The following C2orf76 variants were observed in gnomAD, a reference collection of about 807,000 sequenced individuals.
C2orf76 encodes chromosome 2 open reading frame 76, also known as UPF0538 protein C2orf76.
A neutral mutation model predicts 16.9 loss-of-function variants in C2orf76; 23 were observed. That is an observed-to-expected ratio of 1.36 (90% confidence interval 0.98 to 1.93). The LOEUF (loss-of-function observed/expected upper bound fraction) is 1.93. Ranked by LOEUF, C2orf76 falls within the 30% of genes most tolerant of loss-of-function variation. The pLI, the probability that C2orf76 is intolerant of heterozygous loss-of-function variation, is 0.00. For synonymous variants in C2orf76, 48 were observed against 52.3 expected (o/e 0.92, Z 0.35); for missense variants, 152 against 152.6 (o/e 1.00, Z 0.02).
chr2:119,347,534 A>G (rs1307398391), intron 1 of C2orf76, among the ~76,000 whole-genome samples: 10 of 152,152 alleles, frequency 6.6e-5, no homozygotes, highest in African/African-American at 2.4e-4. Flanking sequence ...TTGCTTTCAA[A>G]TACCCTAGCA....
intron 2 of C2orf76, among the ~76,000 whole-genome samples, chr2:119,321,912 G>GGT (rs1162546166): frequency 1.3e-5 from 2 of 150,916 alleles, no homozygotes; most frequent in Non-Finnish European, 3.0e-5. Flanking sequence ...GCCCCTTATG[G>GGT]GTCTTTGGCC....
At chr2:119,367,079 C>CA, upstream of C2orf76, 7 of 1,613,800 alleles carry the variant, frequency 4.3e-6, no homozygotes, top group Non-Finnish European at 5.1e-6. Context: ...CGTGCACAGC[C>CA]AGGCTGCGAA....
chr2:119,367,077 G>A, upstream of C2orf76: 4 of 1,613,826 alleles, frequency 2.5e-6, no homozygotes, highest in South Asian at 1.1e-5. Context: ...CGCGTGCACA[G>A]CCAGGCTGCG....
At chr2:119,358,505 G>T (rs934669870) in intron 1 of C2orf76, among the ~76,000 whole-genome samples, 2 of 151,262 alleles carry the variant, frequency 1.3e-5, no homozygotes, top group African/African-American at 4.9e-5. Flanking sequence ...TTGAATCCGG[G>T]AGGTGCAGAT....
chr2:119,342,491 A>G (rs1240295803), intron 1 of C2orf76, among the ~76,000 whole-genome samples: 5 of 152,026 alleles, frequency 3.3e-5, no homozygotes, highest in African/African-American at 4.8e-5. Flanking sequence ...GGGTTCCTGA[A>G]ATCCCAGCTA....
At chr2:119,343,984 G>A (rs1680119508) in intron 1 of C2orf76, among the ~76,000 whole-genome samples, 1 of 152,184 alleles carries the variant, frequency 6.6e-6, no homozygotes, top group African/African-American at 2.4e-5. Context: ...ATGAAGCGAA[G>A]GCTGGGCAGG....
downstream of C2orf76, among the ~76,000 whole-genome samples, chr2:119,299,543 T>C (rs1678585162): frequency 6.6e-6 from 1 of 152,194 alleles, no homozygotes; most frequent in Non-Finnish European, 1.5e-5. Context: ...CTGTGGAGGC[T>C]ACAAGTCTGA....
intron 1 of C2orf76, among the ~76,000 whole-genome samples, chr2:119,365,040 T>C (rs954187594): frequency 2.6e-5 from 4 of 152,176 alleles, no homozygotes; most frequent in African/African-American, 9.6e-5. Context: ...GCTGAGATTG[T>C]GCCACTGAAC....
chr2:119,340,689 T>C (rs1286705940), intron 1 of C2orf76, among the ~76,000 whole-genome samples: 3 of 151,332 alleles, frequency 2.0e-5, no homozygotes, highest in African/African-American at 7.3e-5. Context: ...CCCAAAATCA[T>C]GAAGCTGGTA....
downstream of C2orf76, among the ~76,000 whole-genome samples, chr2:119,298,852 A>G (rs1315026002): frequency 6.6e-6 from 1 of 152,204 alleles, no homozygotes; most frequent in Admixed American, 6.5e-5. Context: ...ACTCCTTTCC[A>G]ATATCTGAGA....
At chr2:119,346,054 C>CAAAAAAA (rs56669262) in intron 1 of C2orf76, among the ~76,000 whole-genome samples, 8 of 73,552 alleles carry the variant, frequency 1.1e-4, no homozygotes, top group East Asian at 4.2e-4. Flanking sequence ...GACGCCATCT[C>CAAAAAAA]AAAAAAAAAA....
chr2:119,336,029 A>C lies in C2orf76; in HGVS notation c.133+3798T>G, dbSNP rs147318484. 3.0e-4 allele frequency among the ~76,000 whole-genome samples: 46 copies of C among 152,346 alleles called. 2 individuals carry two copies. In the East Asian group the frequency reaches 8.7e-3, roughly 29 times the overall value. ...GATAATTGGTTTGTCTAGTATTCTGAATCTAAAAAATACAGTCATCTATAG... is the reference window on the plus strand; with the variant it reads ...GATAATTGGTTTGTCTAGTATTCTGCATCTAAAAAATACAGTCATCTATAG... On this transcript the variant is annotated intron_variant, in intron 2 of 5. Transcript: ENST00000334816.
chr2:119,315,282 T>G (rs536978009), intron 4 of C2orf76, among the ~76,000 whole-genome samples: 115 of 152,120 alleles, frequency 7.6e-4, no homozygotes, highest in Non-Finnish European at 1.2e-3. Context: ...TCTGAGGATA[T>G]GTAGTAACTG....
At chr2:119,304,826 G>C (rs1678725811) in intron 5 of C2orf76, among the ~76,000 whole-genome samples, 1 of 152,138 alleles carries the variant, frequency 6.6e-6, no homozygotes, top group African/African-American at 2.4e-5. Flanking sequence ...TGATTTCAGG[G>C]ACTTATGCTG....
chr2:119,308,221 AG>A (rs779486170), intron 5 of C2orf76, among the ~76,000 whole-genome samples: 27 of 152,274 alleles, frequency 1.8e-4, no homozygotes, highest in Non-Finnish European at 3.2e-4. Flanking sequence ...AATACAGAAA[AG>A]AAAGAAGAAT....
intron 1 of C2orf76, among the ~76,000 whole-genome samples, chr2:119,346,573 C>T (rs149605637): frequency 2.6e-4 from 39 of 152,244 alleles, no homozygotes; most frequent in African/African-American, 8.9e-4. Context: ...ATTTTTATGT[C>T]ATTCTTATGA....
chr2:119,301,707 T>C (rs560862850), downstream of C2orf76, among the ~76,000 whole-genome samples: 1 of 152,240 alleles, frequency 6.6e-6, no homozygotes, highest in East Asian at 1.9e-4. Flanking sequence ...ACCACAAGTA[T>C]TATATTATTT....
the C2orf76 span, among the ~76,000 whole-genome samples, chr2:119,290,320 A>C: frequency 6.6e-6 from 1 of 152,050 alleles, no homozygotes; most frequent in African/African-American, 2.4e-5. Context: ...AAGCCATAGA[A>C]ACCGGCTCAC....
chr2:119,297,765 G>C (rs1382723242), downstream of C2orf76, among the ~76,000 whole-genome samples: 1 of 152,028 alleles, frequency 6.6e-6, no homozygotes, highest in African/African-American at 2.4e-5. Context: ...CCAAAGTGCT[G>C]GGATTACAGG....
Sources: allele counts gnomAD v4.1 joint callset (sites outside exome capture counted in the v4.1 genomes callset), GRCh38; gene constraint gnomAD v4.1.1; transcripts MANE v1.5; gene names NCBI Gene and HGNC (gene_info 2026-07-23, HGNC 2026-07-21).